The following NCAM2 variants were observed in gnomAD, a reference collection of about 807,000 sequenced individuals.
The protein encoded by NCAM2 is N-CAM-2.
NCAM2 carries 30 observed loss-of-function variants against 98.1 expected under a neutral mutation model. That is an observed-to-expected ratio of 0.31 (90% CI 0.23 to 0.41). The LOEUF (loss-of-function observed/expected upper bound fraction) is 0.41, where lower values mean the gene tolerates loss of function less well. Ranked by LOEUF, NCAM2 falls within the 10% of genes least tolerant of loss-of-function variation. NCAM2 has a pLI of 1.00. For missense variants in NCAM2, 867 were observed against 1,005.8 expected, an observed-to-expected ratio of 0.86 and a Z score of 1.87; for synonymous variants, 368 against 342.4, an observed-to-expected ratio of 1.07 and a Z score of -0.83.
chr21:21,453,769 C>T (rs1407240671), intron 12 of NCAM2, among the ~76,000 whole-genome samples: 1 of 151,974 alleles, frequency 6.6e-6, no homozygotes, highest in Admixed American at 6.6e-5. Context: ...TGATTCTTTG[C>T]TATTTTTGAA....
chr21:21,229,544 A>G (rs2070534291), intron 1 of NCAM2, among the ~76,000 whole-genome samples: 1 of 151,660 alleles, frequency 6.6e-6, no homozygotes, highest in East Asian at 1.9e-4. Context: ...GCTCTTATAG[A>G]TGAGACACAT....
chr21:21,419,877 G>A (rs929634750), intron 11 of NCAM2, among the ~76,000 whole-genome samples: 17 of 152,012 alleles, frequency 1.1e-4, no homozygotes, highest in Non-Finnish European at 2.4e-4. Flanking sequence ...TATATACCCA[G>A]TAATGGGATG....
chr21:21,210,910 G>A (rs2069628809), intron 1 of NCAM2, among the ~76,000 whole-genome samples: 1 of 149,100 alleles, frequency 6.7e-6, no homozygotes, highest in South Asian at 2.1e-4. Context: ...CACTAGACTG[G>A]ATGCCAAGGT....
chr21:21,358,162 G>T (rs1292688381), intron 8 of NCAM2, among the ~76,000 whole-genome samples: 1 of 152,062 alleles, frequency 6.6e-6, no homozygotes, highest in African/African-American at 2.4e-5. Flanking sequence ...TGCCGTAGAG[G>T]ATCTCAAATA....
intron 1 of NCAM2, among the ~76,000 whole-genome samples, chr21:21,014,411 G>A (rs2146152519): frequency 6.9e-6 from 1 of 145,658 alleles, no homozygotes; most frequent in African/African-American, 2.6e-5. Context: ...GCAATGGAGT[G>A]AGACTCCATC....
chr21:21,226,243 C>A (rs569101956), intron 1 of NCAM2, among the ~76,000 whole-genome samples: 2 of 152,094 alleles, frequency 1.3e-5, no homozygotes, highest in African/African-American at 4.8e-5. Context: ...ATTAGAAGCA[C>A]AAACCTCAGC....
intron 16 of NCAM2, among the ~76,000 whole-genome samples, chr21:21,510,950 T>G (rs1988337325): frequency 6.6e-6 from 1 of 152,052 alleles, no homozygotes; most frequent in Non-Finnish European, 1.5e-5. Context: ...AGCAATATCC[T>G]GACTTCATAG....
intron 9 of NCAM2, among the ~76,000 whole-genome samples, chr21:21,394,750 G>C (rs369585630): frequency 6.6e-6 from 1 of 151,886 alleles, no homozygotes; most frequent in African/African-American, 2.4e-5. Context: ...GCCTCCCAAA[G>C]TGCTGGGCCA....
At chr21:21,407,338 A>G (rs1419895705) in intron 9 of NCAM2, among the ~76,000 whole-genome samples, 1 of 152,188 alleles carries the variant, frequency 6.6e-6, no homozygotes, top group African/African-American at 2.4e-5. Context: ...CCACAAATAC[A>G]TTTTTTAATG....
intron 1 of NCAM2, among the ~76,000 whole-genome samples, chr21:21,124,973 A>G (rs2066756523): frequency 6.6e-6 from 1 of 152,288 alleles, no homozygotes; most frequent in Middle Eastern, 3.4e-3. Flanking sequence ...TAAAAATTAA[A>G]TTATATAAGC....
intron 15 of NCAM2, among the ~76,000 whole-genome samples, chr21:21,497,655 T>C (rs1987336525): frequency 6.6e-6 from 1 of 152,106 alleles, no homozygotes; most frequent in Non-Finnish European, 1.5e-5. Context: ...ACATTTAAAA[T>C]CATTAGAGAA....
intron 1 of NCAM2, among the ~76,000 whole-genome samples, chr21:21,062,095 A>T (rs2065335019): frequency 6.6e-6 from 1 of 152,122 alleles, no homozygotes; most frequent in African/African-American, 2.4e-5. Flanking sequence ...AAGTGGTATA[A>T]TGTAAAGTTT....
At chr21:21,530,126 A>C (rs547863913) in intron 16 of NCAM2, among the ~76,000 whole-genome samples, 35 of 144,544 alleles carry the variant, frequency 2.4e-4, no homozygotes, top group South Asian at 6.3e-4. Flanking sequence ...TAATTTAATT[A>C]TATATGATTT....
chr21:21,254,861 C>T (rs973465782), intron 1 of NCAM2, among the ~76,000 whole-genome samples: 4 of 151,070 alleles, frequency 2.6e-5, no homozygotes, highest in African/African-American at 7.3e-5. Context: ...ATGTTACATA[C>T]GTTATTTCTA....
intron 16 of NCAM2, among the ~76,000 whole-genome samples, chr21:21,510,581 C>T (rs1306801537): frequency 1.1e-5 from 1 of 93,024 alleles, no homozygotes; most frequent in African/African-American, 4.3e-5. Flanking sequence ...TGGAAGGTCT[C>T]ATACTGTTTT....
chr21:21,475,632 T>A (rs1293566240), intron 14 of NCAM2, among the ~76,000 whole-genome samples: 2 of 152,196 alleles, frequency 1.3e-5, no homozygotes, highest in Admixed American at 6.6e-5. Flanking sequence ...CCATCGTTCA[T>A]ACATCTCATA....
chr21:21,121,114 ATTAT>A (rs1033375979), intron 1 of NCAM2, among the ~76,000 whole-genome samples: 1 of 152,200 alleles, frequency 6.6e-6, no homozygotes, highest in Non-Finnish European at 1.5e-5. Flanking sequence ...TCACATGATC[ATTAT>A]TTATAGTATA....
chr21:21,487,603 T>A (rs1455046341), intron 15 of NCAM2, among the ~76,000 whole-genome samples: 8 of 152,172 alleles, frequency 5.3e-5, no homozygotes, highest in Admixed American at 5.2e-4. Context: ...TTGATTTACT[T>A]ATGCATGATT....
chr21:21,430,394 T>TTATATATATATA (rs548093741), intron 11 of NCAM2, among the ~76,000 whole-genome samples: 5 of 124,956 alleles, frequency 4.0e-5, no homozygotes, highest in Non-Finnish European at 8.9e-5. Context: ...TCAGTCAAGT[T>TTATATATATATA]TATATATATT....
Sources: gnomAD v4.1 joint callset for allele counts (sites outside exome capture counted in the v4.1 genomes callset) on GRCh38, gnomAD v4.1.1 for gene constraint, MANE v1.5 for transcripts, NCBI Gene and HGNC (gene_info 2026-07-23, HGNC 2026-07-21) for gene names.